Variants in CST9 observed in about 807,000 individuals in gnomAD.
CST9 encodes the protein cystatin 9.
Under a neutral mutation model 7.7 loss-of-function variants are expected in CST9, and 11 were observed. The observed-to-expected ratio is 1.44, with a 90% CI of 0.90 to 2.38. The LOEUF (loss-of-function observed/expected upper bound fraction) is 2.38. Ranked by LOEUF, CST9 falls within the 30% of genes most tolerant of loss-of-function variation. The pLI is 0.00. For synonymous variants in CST9, 71 were observed against 74.3 expected (o/e 0.96, Z 0.23); for missense variants, 214 against 199.1 (o/e 1.07, Z -0.45).
rs150522660 is a variant in CST9 at position 23,605,666 on chromosome 20, C to T, written c.199G>A (p.Ala67Thr). ...CTCAGGACGCGCAACAGCCTGTAGG[C>T]ATGCTCCTCCTTGCTCTGCACGTTG... Reference protein sequence around the residue: ...TFNVQSKEEHAYRLLRVLSSW... With the variant: ...TFNVQSKEEHTYRLLRVLSSW... The change falls in exon 1 of 2, where the codon GCC becomes ACC. Residue 67 changes from alanine to threonine, a missense_variant. Transcript: ENST00000376971. 6 of 1,614,228 alleles carry T rather than the reference C, an allele frequency of 3.7e-6. No individual in the cohort carries two copies. In the East Asian group the frequency reaches 1.3e-4, roughly 36 times the overall value.
chr20:23,605,748 A>T lies in CST9; in HGVS notation c.117T>A (p.Asn39Lys), dbSNP rs1315435211. 6.2e-7 allele frequency: 1 copy of T among 1,614,092 alleles called. No homozygotes were observed. Among genetic ancestry groups the T allele is most frequent in the East Asian group, 2.2e-5 (1 of 44,894 alleles). ...WCSEEEMGGN[N>K]KIVQDPMFLA... is the part of the protein sequence containing the mutation. ...GGAACATAGGATCCTGGACTATTTT[A>T]TTATTACCACCCATTTCCTCTTCAG... Residue 39 changes from asparagine to lysine, a missense_variant, in exon 1 of 2, where the codon AAT becomes AAA. Physicochemically the swap from Asn to Lys is moderately conservative, Grantham distance 94. Transcript: ENST00000376971.
chr20:23,602,653 T>C lies in CST9; in HGVS notation c.*857A>G, dbSNP rs1023123793. ...GGAGAGCCCCTCTGAGCAGGTCTTG[T>C]TCAGGAGTTCAAAATATGTCTTCCA... On this transcript the variant is annotated 3_prime_UTR_variant, in exon 2 of 2. Coordinates refer to ENST00000376971, the MANE Select transcript of CST9 (RefSeq NM_001008693.3). The C allele has an allele frequency of 1.2e-5, 12 of 979,528 alleles. 1 individual carries two copies. The highest frequency in any genetic ancestry group is 6.2e-5 in the Admixed American group (1 of 16,252). The allele number at this position is 979,528 out of a possible 1,614,324, so 60.7% of individuals were successfully genotyped here.
intron 1 of CST9, among the ~76,000 whole-genome samples, chr20:23,604,708 T>C (rs1433206265): frequency 6.6e-6 from 1 of 152,194 alleles, no homozygotes; most frequent in Non-Finnish European, 1.5e-5. Flanking sequence ...GGAAAATTCC[T>C]CTGTACCAGC....
At position 23,605,723 on chromosome 20, in the gene CST9, G is replaced by C. The variant is rs2983640; in HGVS notation, c.142C>G (p.Leu48Val). The C allele has an allele frequency of 1.9e-6, 3 of 1,613,962 alleles. No homozygotes were observed. Among genetic ancestry groups the C allele is most frequent in the Admixed American group, 3.3e-5 (2 of 60,000 alleles). The change falls in exon 1 of 2, where the codon CTC (leucine) becomes GTC (valine). Residue 48 changes from leucine to valine, a missense_variant. By Grantham distance (32) the Leu-to-Val change is conservative. Coordinates refer to ENST00000376971, the MANE Select transcript of CST9 (RefSeq NM_001008693.3). ...TTCAAGGCAAACTCCACTGTGGCGA[G>C]GAACATAGGATCCTGGACTATTTTA... ...NNKIVQDPMF[L>V]ATVEFALNTF...
At position 23,602,860 on chromosome 20, in the gene CST9, C is replaced by T; in HGVS notation, c.*650G>A. ...TGCCACGTGGCTCTGGCCTTCAGGT[C>T]TAGCCTGAGCCTGAGGCCAATCCTG... On this transcript the variant is annotated 3_prime_UTR_variant, in exon 2 of 2. Coordinates refer to ENST00000376971, the MANE Select transcript of CST9 (RefSeq NM_001008693.3). 1.0e-6 allele frequency: 1 copy of T among 986,384 alleles called. No homozygotes were observed. Among genetic ancestry groups the T allele is most frequent in the Non-Finnish European group, 1.2e-6 (1 of 830,712 alleles). The allele number at this position is 986,384 out of a possible 1,614,324, so 61.1% of individuals were successfully genotyped here.
intron 1 of CST9, among the ~76,000 whole-genome samples, chr20:23,605,173 C>CCTGTCTCTCTCTCTCT (rs936003109): frequency 6.6e-6 from 1 of 150,936 alleles, no homozygotes; most frequent in Non-Finnish European, 1.5e-5. Flanking sequence ...TCTCTGTCTG[C>CCTGTCTCTCTCTCTCT]CTGTCTCTCT....
In CST9 at chr20:23,603,194, GT is replaced by G. The variant is rs1978663416; in HGVS notation, c.*315del. 1.6e-6 allele frequency: 2 copies of G among 1,215,382 alleles called. No individual in the cohort carries two copies. Among genetic ancestry groups the G allele is most frequent in the African/African-American group, 3.1e-5 (2 of 64,640 alleles). 75.3% of individuals were successfully genotyped at this position (1,215,382 alleles called of 1,614,324 possible). ...TCAGCAGGGCCTAGGAGCGAGGGCA[GT>G]GGGGCTTCTTCTCAGCCTCCACCAC... is the stretch of plus-strand genomic sequence containing the variant. On this transcript the variant is annotated 3_prime_UTR_variant, in exon 2 of 2. Transcript: ENST00000376971.
chr20:23,602,716 C>T lies in CST9; in HGVS notation c.*794G>A, dbSNP rs575402331. ...AACAGTGAAGAAGCAGCTGAAGGTC[C>T]GAGGGAACAAACAGGAAGAGACAGT... On this transcript the variant is annotated 3_prime_UTR_variant, in exon 2 of 2. Transcript: ENST00000376971. The T allele has an allele frequency of 4.6e-5, 45 of 985,668 alleles. No individual in the cohort carries two copies. In the South Asian group the frequency reaches 1.7e-3, roughly 37 times the overall value. The allele number at this position is 985,668 out of a possible 1,614,324, so 61.1% of individuals were successfully genotyped here.
At position 23,605,817 on chromosome 20, in the gene CST9, C is replaced by T. The variant is rs147607973; in HGVS notation, c.48G>A (p.Leu16=). The change falls in exon 1 of 2, where the codon CTG becomes CTA. Residue 16 remains leucine (L), a synonymous_variant. Transcript: ENST00000376971. The part of the protein sequence containing the change: ...RRKAMPWALS[L]LLMGFQLLVT... ...CCAGGAGCTGGAAGCCCATGAGAAG[C>T]AGTGACAGTGCCCAGGGCATAGCCT... is the stretch of plus-strand genomic sequence containing the variant. The T allele has an allele frequency of 6.2e-5, 100 of 1,614,206 alleles. No individual in the cohort carries two copies. The African/African-American group carries it at 1.1e-3, about 17-fold the overall frequency.
intron 1 of CST9, 142 bp from the exon 2 acceptor site, chr20:23,603,876 T>C: frequency 1.2e-6 from 1 of 859,288 alleles, no homozygotes; most frequent in Non-Finnish European, 1.8e-6. Context: ...ATCAGCTCAC[T>C]GGAGGTGAAA....
rs780118314 is a variant in CST9, at chr20:23,603,722, T to A, written c.268A>T (p.Met90Leu). 2.2e-5 allele frequency: 36 copies of A among 1,614,120 alleles called. No individual in the cohort carries two copies. In the South Asian group the frequency reaches 4.0e-4, roughly 18 times the overall value. The part of the protein sequence containing the change: ...DSMDRKWRGK[M>L]VFSMNLQLRQ... ...AGTTGCAGATTCATGGAGAACACCA[T>A]CTTACCTCGCCACTGTTGGACAAAA... Residue 90 changes from methionine (M) to leucine (L), a missense_variant, in exon 2 of 2, where the codon ATG becomes TTG. By Grantham distance (15) the Met-to-Leu change is conservative. Coordinates refer to ENST00000376971, the MANE Select transcript of CST9 (RefSeq NM_001008693.3).
rs1024958130 is a variant in CST9 at position 23,602,840 on chromosome 20, C to T, written c.*670G>A. The T allele has an allele frequency of 2.3e-5, 23 of 985,604 alleles. No individual in the cohort carries two copies. The highest frequency in any genetic ancestry group is 2.1e-4 in the African/African-American group (12 of 57,250). The allele number at this position is 985,604 out of a possible 1,614,324, so 61.1% of individuals were successfully genotyped here. ...ATTCCTGGGGCCAGCAATTGTGCCACGTGGCTCTGGCCTTCAGGTCTAGCC... is the reference window on the plus strand; with the variant it reads ...ATTCCTGGGGCCAGCAATTGTGCCATGTGGCTCTGGCCTTCAGGTCTAGCC... On this transcript the variant is annotated 3_prime_UTR_variant, in exon 2 of 2. Coordinates refer to ENST00000376971, the MANE Select transcript of CST9 (RefSeq NM_001008693.3).
Position 23,603,130 on chromosome 20 carries a change from C to A in CST9, c.*380G>T. 1 of 1,048,002 alleles carries A rather than the reference C, an allele frequency of 9.5e-7. No homozygotes were observed. Among genetic ancestry groups the A allele is most frequent in the East Asian group, 8.4e-5 (1 of 11,976 alleles). The allele number at this position is 1,048,002 out of a possible 1,614,324, so 64.9% of individuals were successfully genotyped here. A position where few individuals can be genotyped will look rare whatever the true frequency, so the allele number is the denominator to read the frequency against. ...AATGGGAAGTTTTCCCAGAGCCAGGCTTTGCTTGGAGCTCGTCCCCTAGAG... is the reference window on the plus strand; with the variant it reads ...AATGGGAAGTTTTCCCAGAGCCAGGATTTGCTTGGAGCTCGTCCCCTAGAG... On this transcript the variant is annotated 3_prime_UTR_variant, in exon 2 of 2. Transcript: ENST00000376971.
At position 23,603,266 on chromosome 20, in the gene CST9, C is replaced by T. The variant is rs1978665709; in HGVS notation, c.*244G>A. The T allele has an allele frequency of 1.4e-6, 2 of 1,380,298 alleles. No individual in the cohort carries two copies. Among genetic ancestry groups the T allele is most frequent in the South Asian group, 3.2e-5 (2 of 63,400 alleles). 85.5% of individuals were successfully genotyped at this position (1,380,298 alleles called of 1,614,324 possible). On this transcript the variant is annotated 3_prime_UTR_variant, in exon 2 of 2. Transcript: ENST00000376971. ...AGGGAAACCCTGAGAAAAGTACCCACAGACATTGTCACCATTGTCTCCAGG... is the reference window on the plus strand; with the variant it reads ...AGGGAAACCCTGAGAAAAGTACCCATAGACATTGTCACCATTGTCTCCAGG...
rs1230482832 is a variant in CST9 at position 23,602,891 on chromosome 20, CA to C, written c.*618del. 1 of 987,802 alleles carries C rather than the reference CA, an allele frequency of 1.0e-6. No individual in the cohort carries two copies. The highest frequency in any genetic ancestry group is 1.7e-5 in the African/African-American group (1 of 57,246). 61.2% of individuals were successfully genotyped at this position (987,802 alleles called of 1,614,324 possible). On this transcript the variant is annotated 3_prime_UTR_variant, in exon 2 of 2. Transcript: ENST00000376971. ...TGAGCCTGAGGCCAATCCTGAACTA[CA>C]ACGTGATTTGAGGCTCCCTCCCTCC...
Position 23,602,771 on chromosome 20 carries a change from T to C in CST9, c.*739A>G, listed in dbSNP as rs1021216056. On this transcript the variant is annotated 3_prime_UTR_variant, in exon 2 of 2. Coordinates refer to ENST00000376971, the MANE Select transcript of CST9 (RefSeq NM_001008693.3). ...CGGGGTTTGGGGAGGTTCGGGAATC[T>C]TGTGGCATCTGCCCTCAACACAGGT... 69 of 985,470 alleles carry C rather than the reference T, an allele frequency of 7.0e-5. No individual in the cohort carries two copies. The highest frequency in any genetic ancestry group is 8.3e-5 in the Non-Finnish European group (69 of 830,086). The allele number at this position is 985,470 out of a possible 1,614,324, so 61.0% of individuals were successfully genotyped here.
intron 1 of CST9, among the ~76,000 whole-genome samples, chr20:23,605,364 T>C (rs1250415240): frequency 2.0e-5 from 3 of 152,190 alleles, no homozygotes; most frequent in Admixed American, 2.0e-4. Flanking sequence ...AAGTCACTCT[T>C]CAGTTATACA....
chr20:23,605,889 C>G lies in CST9; in HGVS notation c.-25G>C, dbSNP rs368835290. Reference sequence around the variant, plus strand: ...TGATGCAGGCTCCAGCAGCCCTTGCCTTTGCCCTTCAGATCCCTGGCGTCC... The same window carrying G: ...TGATGCAGGCTCCAGCAGCCCTTGCGTTTGCCCTTCAGATCCCTGGCGTCC... On this transcript the variant is annotated 5_prime_UTR_variant, in exon 1 of 2. Coordinates refer to ENST00000376971, the MANE Select transcript of CST9 (RefSeq NM_001008693.3). 1.2e-6 allele frequency: 2 copies of G among 1,612,300 alleles called. No homozygotes were observed. The highest frequency in any genetic ancestry group is 1.3e-5 in the African/African-American group (1 of 74,966).
intron 1 of CST9, among the ~76,000 whole-genome samples, chr20:23,604,620 A>G (rs970419639): frequency 6.6e-6 from 1 of 152,184 alleles, no homozygotes; most frequent in Non-Finnish European, 1.5e-5. Context: ...AGCAGCCACC[A>G]TTACTGGACC....
Sources: gnomAD v4.1 joint callset for allele counts (sites outside exome capture counted in the v4.1 genomes callset) on GRCh38, gnomAD v4.1.1 for gene constraint, MANE v1.5 for transcripts, NCBI Gene and HGNC (gene_info 2026-07-23, HGNC 2026-07-21) for gene names.